Variants in PIK3C3 observed in about 807,000 individuals in gnomAD.
PIK3C3 encodes the protein phosphatidylinositol 3-kinase catalytic subunit type 3, also known as PI3-kinase type 3.
In PIK3C3, 95 loss-of-function variants were observed where a neutral mutation model predicts 126.1. That is an observed-to-expected ratio of 0.75 (90% confidence interval 0.64 to 0.89). The LOEUF is 0.89. Ranked by LOEUF, PIK3C3 falls within the 40% of genes least tolerant of loss-of-function variation. The pLI, the probability that PIK3C3 is intolerant of heterozygous loss-of-function variation, is 0.00. For synonymous variants in PIK3C3, 374 were observed against 360.0 expected, an observed-to-expected ratio of 1.04 and a Z score of -0.44; for missense variants, 829 against 1,063.2, an observed-to-expected ratio of 0.78 and a Z score of 3.06.
chr18:41,989,115 G>A (rs899186211), intron 5 of PIK3C3, among the ~76,000 whole-genome samples: 2 of 151,896 alleles, frequency 1.3e-5, no homozygotes, highest in Admixed American at 6.6e-5. Context: ...TGGGGGACAA[G>A]GTCTTGCTGT....
intron 20 of PIK3C3, among the ~76,000 whole-genome samples, chr18:42,044,929 C>T (rs926386703): frequency 3.3e-5 from 5 of 152,158 alleles, no homozygotes; most frequent in Non-Finnish European, 7.4e-5. Context: ...GTTGTTAAGA[C>T]TATATTTAAA....
intron 13 of PIK3C3, among the ~76,000 whole-genome samples, chr18:42,022,080 C>G (rs946217231): frequency 1.3e-5 from 2 of 152,194 alleles, no homozygotes; most frequent in Admixed American, 6.5e-5. Context: ...AGGTAATGCT[C>G]TGCTGGGTAC....
At chr18:42,027,020 T>A (rs2144434439) in intron 13 of PIK3C3, 1 of 152,350 alleles carries the variant, frequency 6.6e-6, no homozygotes, top group Admixed American at 6.5e-5. Context: ...AAGAATAGCT[T>A]CAGAGAGGTT....
Position 42,040,538 on chromosome 18 carries a change from T to C in PIK3C3, c.2039-139T>C, listed in dbSNP as rs188174598. 592 of 510,122 alleles carry C rather than the reference T, an allele frequency of 1.2e-3. 10 individuals are homozygous for C. The Admixed American group carries it at 0.021, about 18-fold the overall frequency. 31.6% of individuals were successfully genotyped at this position (510,122 alleles called of 1,614,324 possible). ...GACATAAATGCCAGTACAAACTTAA[T>C]GTAGTGTACACTGATCTTTTTAAGT... On this transcript the variant is annotated intron_variant, in intron 18 of 24. Transcript: ENST00000262039.
chr18:42,066,679 TC>T (rs1365129395), intron 23 of PIK3C3, among the ~76,000 whole-genome samples: 1 of 152,240 alleles, frequency 6.6e-6, no homozygotes, highest in East Asian at 1.9e-4. Context: ...AAGTAGTTCT[TC>T]AGTAACATTG....
rs1304436217 is a variant in PIK3C3 at position 42,083,801 on chromosome 18, G to C, written c.*2664G>C. The C allele has an allele frequency of 1.3e-5, 2 of 152,198 alleles. No homozygotes were observed. The highest frequency in any genetic ancestry group is 2.9e-5 in the Non-Finnish European group (2 of 68,040). 9.4% of individuals were successfully genotyped at this position (152,198 alleles called of 1,614,324 possible). A position where few individuals can be genotyped will look rare whatever the true frequency, so the allele number is the denominator to read the frequency against. The stretch of plus-strand genomic sequence containing the variant: ...AGGATAAGCTGCTGGTGAGAGCAGA[G>C]TTGGGATTTGAAGTCGAGTTAGACC... On this transcript the variant is annotated 3_prime_UTR_variant, in exon 25 of 25. Coordinates refer to ENST00000262039, the MANE Select transcript of PIK3C3 (RefSeq NM_002647.4).
Position 42,076,106 on chromosome 18 carries a change from A to G in PIK3C3, c.2650-5017A>G, listed in dbSNP as rs1160340856. 9.4e-5 allele frequency among the ~76,000 whole-genome samples: 7 copies of G among 74,826 alleles called. 1 individual carries two copies. The highest frequency in any genetic ancestry group is 5.0e-4 in the African/African-American group (7 of 13,888). 49.1% of individuals were successfully genotyped at this position (74,826 alleles called of 152,430 possible). ...TTACCTTGCATATATATATATATAT[A>G]TATATATATATATATGCGCATATAT... On this transcript the variant is annotated intron_variant, in intron 24 of 24. Coordinates refer to ENST00000262039, the MANE Select transcript of PIK3C3 (RefSeq NM_002647.4).
intron 7 of PIK3C3, among the ~76,000 whole-genome samples, chr18:41,994,972 A>T (rs1981958136): frequency 1.3e-5 from 2 of 152,098 alleles, no homozygotes; most frequent in South Asian, 2.1e-4. Flanking sequence ...CAGGAGGTCA[A>T]GGCTGCAGTG....
chr18:42,005,976 A>G (rs751890076), intron 10 of PIK3C3, among the ~76,000 whole-genome samples: 4 of 151,156 alleles, frequency 2.6e-5, no homozygotes, highest in South Asian at 2.1e-4. Flanking sequence ...ACTGGCTTTA[A>G]CAAATCAGGG....
In PIK3C3 at chr18:41,965,498, G is replaced by C. The variant is rs527985017; in HGVS notation, c.401+2866G>C. Among the ~76,000 whole-genome samples the C allele has an allele frequency of 5.3e-5, 8 of 152,212 alleles. No individual in the cohort carries two copies. The East Asian group carries it at 1.5e-3, about 29-fold the overall frequency. ...ACATCAAATCAGTAATAATCAACCT[G>C]TGTTTAAGAACCATCCTGGAAGCCT... On this transcript the variant is annotated intron_variant, in intron 3 of 24. Coordinates refer to ENST00000262039, the MANE Select transcript of PIK3C3 (RefSeq NM_002647.4).
chr18:42,047,634 C>A (rs986936635), intron 20 of PIK3C3, among the ~76,000 whole-genome samples: 1 of 152,120 alleles, frequency 6.6e-6, no homozygotes, highest in African/African-American at 2.4e-5. Context: ...TTCATTCTAA[C>A]AGGATTTTCA....
intron 4 of PIK3C3, among the ~76,000 whole-genome samples, chr18:41,985,931 A>G (rs1390089541): frequency 1.3e-5 from 2 of 152,124 alleles, no homozygotes; most frequent in Non-Finnish European, 1.5e-5. Flanking sequence ...TTCCCACCAC[A>G]TTCTCCCACA....
chr18:41,990,710 A>G, intron 6 of PIK3C3, 156 bp downstream of exon 6: 3 of 564,118 alleles, frequency 5.3e-6, no homozygotes, highest in South Asian at 4.7e-5. Flanking sequence ...ATCAAATCAT[A>G]TAACTACAAC....
chr18:42,009,728 T>C (rs1982727505), intron 10 of PIK3C3, among the ~76,000 whole-genome samples: 1 of 129,744 alleles, frequency 7.7e-6, no homozygotes, highest in Middle Eastern at 3.9e-3. Flanking sequence ...ATGTACATTA[T>C]GTAATGCTTA....
At chr18:42,004,262 C>T in intron 9 of PIK3C3, 94 bp from the exon 10 acceptor site, 1 of 872,134 alleles carries the variant, frequency 1.1e-6, no homozygotes. Context: ...GACTCCGTGG[C>T]TCTGTCATTA....
chr18:42,068,590 T>G (rs1467100197), intron 24 of PIK3C3, among the ~76,000 whole-genome samples: 1 of 152,162 alleles, frequency 6.6e-6, no homozygotes, highest in Non-Finnish European at 1.5e-5. Context: ...TTTGCTTTCT[T>G]TTTTTCCTTC....
chr18:41,969,484 A>C (rs1980544971), intron 3 of PIK3C3, among the ~76,000 whole-genome samples: 1 of 152,200 alleles, frequency 6.6e-6, no homozygotes, highest in Admixed American at 6.5e-5. Context: ...GCTTTTTGAC[A>C]AAAACAAGAC....
At chr18:42,026,582 A>G (rs888182470) in intron 13 of PIK3C3, 1 of 151,994 alleles carries the variant, frequency 6.6e-6, no homozygotes, top group Non-Finnish European at 1.5e-5. Flanking sequence ...CAGCCTCCTT[A>G]GTAGCTGGGA....
intron 24 of PIK3C3, among the ~76,000 whole-genome samples, chr18:42,080,863 G>A (rs778425412): frequency 2.6e-5 from 4 of 151,960 alleles, no homozygotes; most frequent in African/African-American, 7.3e-5. Flanking sequence ...TGCTTGTCTC[G>A]TGTTAATTAC....
Sources: allele counts gnomAD v4.1 joint callset (sites outside exome capture counted in the v4.1 genomes callset), GRCh38; gene constraint gnomAD v4.1.1; transcripts MANE v1.5; gene names NCBI Gene and HGNC (gene_info 2026-07-23, HGNC 2026-07-21).